Variants in EFR3A observed in about 807,000 individuals in gnomAD.
EFR3A encodes protein EFR3 homolog A.
A neutral mutation model predicts 104.4 loss-of-function variants in EFR3A; 76 were observed. The observed-to-expected ratio is 0.73, with a 90% CI of 0.60 to 0.88. The LOEUF (loss-of-function observed/expected upper bound fraction) is 0.88. Ranked by LOEUF, EFR3A falls within the 40% of genes least tolerant of loss-of-function variation. The pLI is 0.00. For missense variants in EFR3A, 985 were observed against 1,012.5 expected (o/e 0.97, Z 0.37); for synonymous variants, 330 against 330.0 (o/e 1.00, Z 0.00).
chr8:131,960,188 T>C (rs982788880), intron 8 of EFR3A, among the ~76,000 whole-genome samples: 2 of 152,204 alleles, frequency 1.3e-5, no homozygotes, highest in African/African-American at 2.4e-5. Context: ...TCCTTTCTTG[T>C]CATTTTATGT....
At chr8:131,979,666 G>A (rs1272775740) in intron 14 of EFR3A, among the ~76,000 whole-genome samples, 1 of 152,108 alleles carries the variant, frequency 6.6e-6, no homozygotes, top group African/African-American at 2.4e-5. Context: ...TGAGTAAAAT[G>A]TCTTCCTATA....
At position 132,011,138 on chromosome 8, in the gene EFR3A, G is replaced by A. The variant is rs990561942; in HGVS notation, c.*243G>A. On this transcript the variant is annotated 3_prime_UTR_variant, in exon 23 of 23. Transcript: ENST00000254624. The stretch of plus-strand genomic sequence containing the variant: ...GAGGTTCCTGTTGCCTTTTTAAGTT[G>A]AACATGTTTTGGTTTCACTTTATTC... The A allele has an allele frequency of 8.5e-7, 1 of 1,173,112 alleles. No individual in the cohort carries two copies. Among genetic ancestry groups the A allele is most frequent in the African/African-American group, 1.5e-5 (1 of 64,590 alleles). 72.7% of individuals were successfully genotyped at this position (1,173,112 alleles called of 1,614,324 possible).
chr8:131,909,279 A>G (rs2130372354), intron 1 of EFR3A, among the ~76,000 whole-genome samples: 1 of 152,314 alleles, frequency 6.6e-6, no homozygotes, highest in Non-Finnish European at 1.5e-5. Context: ...GGCCAGGTGC[A>G]GTGGCTCACA....
intron 10 of EFR3A, among the ~76,000 whole-genome samples, chr8:131,972,855 A>G (rs910293178): frequency 1.3e-5 from 2 of 152,076 alleles, no homozygotes; most frequent in African/African-American, 4.8e-5. Context: ...GATACTTAAT[A>G]CAGAGTTTCT....
In EFR3A at chr8:132,011,034, A is replaced by G. The variant is rs953330001; in HGVS notation, c.*139A>G. 4 of 1,300,818 alleles carry G rather than the reference A, an allele frequency of 3.1e-6. No homozygotes were observed. Among genetic ancestry groups the G allele is most frequent in the Non-Finnish European group, 3.0e-6 (3 of 1,016,342 alleles). The allele number at this position is 1,300,818 out of a possible 1,614,324, so 80.6% of individuals were successfully genotyped here. On this transcript the variant is annotated 3_prime_UTR_variant, in exon 23 of 23. Transcript: ENST00000254624. ...ACATATCTTTAACCAAATGTTTGGCATACCATATTAGAAGTTTTGGAGCTA... is the reference window on the plus strand; with the variant it reads ...ACATATCTTTAACCAAATGTTTGGCGTACCATATTAGAAGTTTTGGAGCTA...
chr8:132,001,842 TTTAAC>T (rs1280700501), intron 20 of EFR3A, 35 bp downstream of exon 20: 2 of 1,560,782 alleles, frequency 1.3e-6, no homozygotes, highest in Non-Finnish European at 1.8e-6. Context: ...ACTACCAATA[TTTAAC>T]TTATCTTTAT....
intron 1 of EFR3A, among the ~76,000 whole-genome samples, chr8:131,908,551 C>T (rs776695826): frequency 2.0e-5 from 3 of 152,152 alleles, no homozygotes; most frequent in Non-Finnish European, 1.5e-5. Flanking sequence ...TCTTCTTTAA[C>T]TCTTCCACTT....
In EFR3A at chr8:131,950,043, C is replaced by G. The variant is rs1464722493; in HGVS notation, c.441C>G (p.Phe147Leu). ...HRRYDFFVSR[F>L]SAMCHSCHSD... ...GTTATGACTTTTTTGTGTCTCGATT[C>G]AGTGCCATGTGCCATTCCTGTCATA... Residue 147 changes from phenylalanine (F) to leucine (L), a missense_variant, in exon 5 of 23, where the codon TTC becomes TTG. Physicochemically the swap from Phe to Leu is conservative, Grantham distance 22. Transcript: ENST00000254624. 6.2e-7 allele frequency: 1 copy of G among 1,609,710 alleles called. No individual in the cohort carries two copies. The highest frequency in any genetic ancestry group is 1.3e-5 in the African/African-American group (1 of 74,754).
intron 19 of EFR3A, among the ~76,000 whole-genome samples, chr8:131,997,325 A>G (rs1311413115): frequency 1.3e-5 from 2 of 152,108 alleles, no homozygotes; most frequent in African/African-American, 4.8e-5. Context: ...GGAAAGGGAA[A>G]GGAAGTTAGC....
At chr8:131,984,786 A>C in intron 15 of EFR3A, 143 bp from the exon 16 acceptor site, 1 of 758,074 alleles carries the variant, frequency 1.3e-6, no homozygotes, top group South Asian at 2.2e-5. Flanking sequence ...TTTTCCTTTC[A>C]GAATTGTTTT....
intron 22 of EFR3A, among the ~76,000 whole-genome samples, chr8:132,007,906 A>G (rs1417240040): frequency 6.6e-6 from 1 of 152,004 alleles, no homozygotes; most frequent in Non-Finnish European, 1.5e-5. Flanking sequence ...AAAGAAAAAT[A>G]CTAATCTCAA....
chr8:131,911,878 C>T (rs1816528796), intron 1 of EFR3A, among the ~76,000 whole-genome samples: 1 of 152,150 alleles, frequency 6.6e-6, no homozygotes, highest in Admixed American at 6.5e-5. Context: ...GGCTTGGGGT[C>T]TTGTGACCCA....
chr8:131,915,285 G>A (rs1234185910), intron 1 of EFR3A, among the ~76,000 whole-genome samples: 1 of 152,148 alleles, frequency 6.6e-6, no homozygotes, highest in African/African-American at 2.4e-5. Context: ...AAACTGTTTA[G>A]TTGATAGTGC....
chr8:131,996,616 C>G, intron 19 of EFR3A, 119 bp downstream of exon 19: 1 of 553,006 alleles, frequency 1.8e-6, no homozygotes, highest in Non-Finnish European at 3.1e-6. Flanking sequence ...CTCAAATCAA[C>G]TAAATTATTA....
intron 10 of EFR3A, among the ~76,000 whole-genome samples, chr8:131,971,890 A>G (rs1286612354): frequency 6.6e-6 from 1 of 152,186 alleles, no homozygotes; most frequent in Non-Finnish European, 1.5e-5. Context: ...GCAACCTCTG[A>G]GAAGACACTT....
chr8:131,951,072 CTTTTA>C (rs911117010), intron 5 of EFR3A, among the ~76,000 whole-genome samples: 6 of 152,150 alleles, frequency 3.9e-5, no homozygotes, highest in African/African-American at 1.2e-4. Flanking sequence ...ATAACTTTTA[CTTTTA>C]TTTTAAGATA....
chr8:131,954,572 G>A (rs1234553869), intron 6 of EFR3A, among the ~76,000 whole-genome samples: 1 of 151,040 alleles, frequency 6.6e-6, no homozygotes, highest in African/African-American at 2.4e-5. Flanking sequence ...CTAGAAGCAT[G>A]CTTATCCCCC....
At chr8:131,918,694 G>A (rs2130426824) in intron 1 of EFR3A, among the ~76,000 whole-genome samples, 1 of 152,242 alleles carries the variant, frequency 6.6e-6, no homozygotes, top group Non-Finnish European at 1.5e-5. Flanking sequence ...TGGGTGTTAT[G>A]GAATCTATAA....
At position 131,987,766 on chromosome 8, in the gene EFR3A, T is replaced by C. The variant is rs1820965817; in HGVS notation, c.2065+64T>C. 8.0e-6 allele frequency: 12 copies of C among 1,491,816 alleles called. No homozygotes were observed. In the South Asian group the frequency reaches 1.3e-4, roughly 16 times the overall value. 92.4% of individuals were successfully genotyped at this position (1,491,816 alleles called of 1,614,324 possible). On this transcript the variant is annotated intron_variant, in intron 18 of 22. Coordinates refer to ENST00000254624, the MANE Select transcript of EFR3A (RefSeq NM_015137.6). ...GCTTATGTTATAGTAAATTTTTCAT[T>C]ACCCAGTTAACAATGAAAATTAATT...
Sources: allele counts gnomAD v4.1 joint callset (sites outside exome capture counted in the v4.1 genomes callset), GRCh38; gene constraint gnomAD v4.1.1; transcripts MANE v1.5; gene names NCBI Gene and HGNC (gene_info 2026-07-23, HGNC 2026-07-21).